Variants in GABRG3 observed in about 807,000 individuals in gnomAD.
GABRG3 encodes the protein gamma-aminobutyric acid receptor subunit gamma-3.
Under a neutral mutation model 48.8 loss-of-function variants are expected in GABRG3, and 25 were observed. The ratio of observed to expected loss-of-function variants is 0.51; its 90% CI spans 0.37 to 0.72. The LOEUF (loss-of-function observed/expected upper bound fraction) is 0.72. Ranked by LOEUF, GABRG3 falls within the 30% of genes least tolerant of loss-of-function variation. The probability of loss-of-function intolerance (pLI) is 0.00; values close to 1 mark genes in which losing one functional copy is unlikely to be tolerated. For synonymous variants in GABRG3, 227 were observed against 217.6 expected (o/e 1.04, Z -0.38); for missense variants, 394 against 577.9 (o/e 0.68, Z 3.26).
chr15:27,498,080 T>A (rs1890530152), intron 6 of GABRG3, among the ~76,000 whole-genome samples: 1 of 152,228 alleles, frequency 6.6e-6, no homozygotes, highest in Non-Finnish European at 1.5e-5. Flanking sequence ...CACTTTCCTT[T>A]TCTCTGAGTT....
chr15:27,361,600 C>T (rs561337404), intron 5 of GABRG3, among the ~76,000 whole-genome samples: 3 of 152,322 alleles, frequency 2.0e-5, no homozygotes, highest in Non-Finnish European at 2.9e-5. Context: ...CTGGAGACCT[C>T]GCCTGTTGGC....
intron 3 of GABRG3, among the ~76,000 whole-genome samples, chr15:27,074,149 T>G (rs1382593720): frequency 6.6e-6 from 1 of 152,030 alleles, no homozygotes; most frequent in East Asian, 1.9e-4. Context: ...AGAACAGTAT[T>G]GAGGAAACCG....
intron 3 of GABRG3, among the ~76,000 whole-genome samples, chr15:27,224,854 A>G (rs1003340209): frequency 2.6e-5 from 4 of 151,670 alleles, no homozygotes; most frequent in African/African-American, 9.8e-5. Context: ...TTTCATTCAC[A>G]AGGCTAAGCA....
chr15:27,478,305 C>T lies in GABRG3; in HGVS notation c.575-2345C>T, dbSNP rs547593462. Among the ~76,000 whole-genome samples, 41 of 152,146 alleles carry T rather than the reference C, an allele frequency of 2.7e-4. 1 individual carries two copies. In the Middle Eastern group the frequency reaches 0.017, roughly 63 times the overall value. On this transcript the variant is annotated intron_variant, in intron 5 of 9. Coordinates refer to ENST00000615808, the MANE Select transcript of GABRG3 (RefSeq NM_033223.5). Reference sequence around the variant, plus strand: ...AAATATACAAATAACTCTTAAAACTCAACAATATAAAAACAACCCAATTAA... The same window carrying T: ...AAATATACAAATAACTCTTAAAACTTAACAATATAAAAACAACCCAATTAA...
chr15:27,351,759 G>C (rs1894613884), intron 5 of GABRG3, among the ~76,000 whole-genome samples: 1 of 149,132 alleles, frequency 6.7e-6, no homozygotes, highest in South Asian at 2.1e-4. Flanking sequence ...TGTGTTTATG[G>C]TGTTTGTATA....
intron 3 of GABRG3, among the ~76,000 whole-genome samples, chr15:27,266,102 A>T (rs1366691176): frequency 6.6e-6 from 1 of 151,772 alleles, no homozygotes; most frequent in African/African-American, 2.4e-5. Context: ...CTGGTCTTGA[A>T]CTGCCGACCT....
intron 3 of GABRG3, among the ~76,000 whole-genome samples, chr15:27,095,874 A>G (rs374865044): frequency 6.6e-6 from 1 of 152,186 alleles, no homozygotes; most frequent in African/African-American, 2.4e-5. Context: ...CCTTCTCTGC[A>G]TGCAGAAACT....
chr15:27,135,434 C>T (rs1205466752), intron 3 of GABRG3, among the ~76,000 whole-genome samples: 1 of 152,148 alleles, frequency 6.6e-6, no homozygotes, highest in Non-Finnish European at 1.5e-5. Context: ...GTGCCCAGTC[C>T]TCATTTGTTT....
At chr15:26,991,158 A>G (rs564791694) in intron 2 of GABRG3, among the ~76,000 whole-genome samples, 2 of 152,276 alleles carry the variant, frequency 1.3e-5, no homozygotes, top group Admixed American at 6.5e-5. Flanking sequence ...TCCTAGCACC[A>G]TTTATTGAAG....
chr15:27,458,903 G>A (rs896934005), intron 5 of GABRG3, among the ~76,000 whole-genome samples: 1 of 152,186 alleles, frequency 6.6e-6, no homozygotes, highest in Admixed American at 6.5e-5. Context: ...CAGGCCCTGG[G>A]CCCATTGGTC....
intron 3 of GABRG3, among the ~76,000 whole-genome samples, chr15:27,219,466 C>T (rs148198369): frequency 1.2e-3 from 182 of 152,266 alleles, no homozygotes; most frequent in African/African-American, 4.3e-3. Context: ...TGCCTCTTTC[C>T]ACCCCACAGT....
intron 5 of GABRG3, among the ~76,000 whole-genome samples, chr15:27,359,128 G>A (rs941329240): frequency 5.9e-5 from 9 of 152,126 alleles, no homozygotes; most frequent in African/African-American, 2.2e-4. Flanking sequence ...CCAGGTTTGG[G>A]AGGCCACCCG....
intron 5 of GABRG3, among the ~76,000 whole-genome samples, chr15:27,416,082 C>G (rs1404730636): frequency 6.6e-6 from 1 of 152,194 alleles, no homozygotes; most frequent in Non-Finnish European, 1.5e-5. Context: ...TTAACTTGAG[C>G]AAAGTAAACT....
intron 3 of GABRG3, among the ~76,000 whole-genome samples, chr15:27,210,182 G>GA (rs1187411569): frequency 1.3e-5 from 2 of 152,186 alleles, no homozygotes; most frequent in African/African-American, 4.8e-5. Flanking sequence ...AGGGTCGGGT[G>GA]AATGTGGACA....
rs989558445 is a variant in GABRG3, at chr15:27,447,146, C to T, written c.575-33504C>T. Among the ~76,000 whole-genome samples the T allele has an allele frequency of 9.9e-5, 15 of 152,130 alleles. No homozygotes were observed. The highest frequency in any genetic ancestry group is 1.3e-4 in the Admixed American group (2 of 15,272). On this transcript the variant is annotated intron_variant, in intron 5 of 9. Transcript: ENST00000615808. The surrounding 1 kb of genome is among the most constrained non-coding windows in gnomAD (Gnocchi z 4.0). ...TAAAATGTTCCAGCAGCACAGAGGA[C>T]GGAACAACTAATTCTATGTGGAGGA...
Position 27,051,141 on chromosome 15 carries a change from CTA to C in GABRG3, c.270+24323_270+24324del, listed in dbSNP as rs1486573769. 5.9e-5 allele frequency among the ~76,000 whole-genome samples: 9 copies of C among 152,258 alleles called. No individual in the cohort carries two copies. The East Asian group carries it at 1.7e-3, about 29-fold the overall frequency. The stretch of plus-strand genomic sequence containing the variant: ...TTGTTTTTTACATTTGCCTTAAATT[CTA>C]TAGACTTTCATTCCAAAGGGAAAAA... On this transcript the variant is annotated intron_variant, in intron 3 of 9. Transcript: ENST00000615808.
chr15:27,005,326 G>T (rs1438968596), intron 2 of GABRG3, among the ~76,000 whole-genome samples: 1 of 152,028 alleles, frequency 6.6e-6, no homozygotes, highest in African/African-American at 2.4e-5. Context: ...TCAGCCTCCC[G>T]AGTAGCTGGG....
At chr15:27,010,874 G>C (rs891793) in intron 2 of GABRG3, among the ~76,000 whole-genome samples, 82,504 of 151,946 alleles carry the variant, frequency 0.54, 22,914 homozygotes, top group African/African-American at 0.63. Flanking sequence ...GATATGGAGT[G>C]TCACTTTGTC....
chr15:27,149,273 T>C (rs1371175899), intron 3 of GABRG3, among the ~76,000 whole-genome samples: 1 of 152,100 alleles, frequency 6.6e-6, no homozygotes, highest in African/African-American at 2.4e-5. Context: ...TATTCAGGAA[T>C]AAATTTAACA....
Sources: gnomAD v4.1 joint callset for allele counts (sites outside exome capture counted in the v4.1 genomes callset) on GRCh38, gnomAD v4.1.1 for gene constraint, Gnocchi (gnomAD v3.1) non-coding constraint, MANE v1.5 for transcripts, NCBI Gene and HGNC (gene_info 2026-07-23, HGNC 2026-07-21) for gene names.